The following METTL6 variants were observed in gnomAD, a reference collection of about 807,000 sequenced individuals.
METTL6 encodes the protein methyltransferase 6, tRNA N3-cytidine, also known as tRNA N(3)-cytidine methyltransferase METTL6.
A neutral mutation model predicts 26.4 loss-of-function variants in METTL6; 22 were observed. The observed-to-expected ratio is 0.83, with a 90% CI of 0.59 to 1.19. The LOEUF is 1.19. Among genes scored for constraint, METTL6 ranks in the 50% most tolerant of loss-of-function variants. The pLI, the probability that METTL6 is intolerant of heterozygous loss-of-function variation, is 0.00. For synonymous variants in METTL6, 109 were observed against 116.2 expected (o/e 0.94, Z 0.40); for missense variants, 304 against 324.8 (o/e 0.94, Z 0.49).
Position 15,427,413 on chromosome 3 carries a change from C to A in METTL6, c.-136G>T. The A allele has an allele frequency of 3.3e-6, 1 of 301,672 alleles. No individual in the cohort carries two copies. Among genetic ancestry groups the A allele is most frequent in the South Asian group, 2.8e-5 (1 of 35,836 alleles). 18.7% of individuals were successfully genotyped at this position (301,672 alleles called of 1,614,324 possible). A position where few individuals can be genotyped will look rare whatever the true frequency, so the allele number is the denominator to read the frequency against. On this transcript the variant is annotated 5_prime_UTR_variant, in exon 1 of 6. Coordinates refer to ENST00000383790, the MANE Select transcript of METTL6 (RefSeq NM_152396.4). ...CCAGGCGCACTCACCCCACAGCCAG[C>A]CCCACTGGGCCTCGGAGGCAGAATA...
intron 6 of METTL6, among the ~76,000 whole-genome samples, chr3:15,394,057 G>A (rs1173067510): frequency 6.6e-6 from 1 of 152,190 alleles, no homozygotes; most frequent in Admixed American, 6.5e-5. Context: ...GATTGGAATA[G>A]TTTCAGAAGG....
chr3:15,406,256 C>G (rs1699780811), downstream of METTL6, among the ~76,000 whole-genome samples: 1 of 151,908 alleles, frequency 6.6e-6, no homozygotes. Context: ...TGCTACTAAA[C>G]CAACCATGGT....
chr3:15,385,542 G>A (rs979961668), intron 6 of METTL6, among the ~76,000 whole-genome samples: 1 of 152,146 alleles, frequency 6.6e-6, no homozygotes, highest in South Asian at 2.1e-4. Flanking sequence ...AGGTTGCAGT[G>A]AGCCAAGATT....
In METTL6 at chr3:15,425,009, C is replaced by T. The variant is rs770155424; in HGVS notation, c.306G>A (p.Pro102=). ...NCLFPLLEED[P]NIFAYACDFS... ...AATCACAGGCATAGGCAAAGATATT[C>T]GGATCTTCTTCTAAAAGTGGGAATA... The change falls in exon 3 of 6, where the codon CCG becomes CCA. Residue 102 remains proline, a synonymous_variant. Transcript: ENST00000383790. 17 of 1,614,106 alleles carry T rather than the reference C, an allele frequency of 1.1e-5. No individual in the cohort carries two copies. The highest frequency in any genetic ancestry group is 1.6e-4 in the Middle Eastern group (1 of 6,062).
intron 3 of METTL6, among the ~76,000 whole-genome samples, chr3:15,422,646 T>C (rs980567357): frequency 3.3e-5 from 5 of 151,864 alleles, no homozygotes; most frequent in Non-Finnish European, 7.4e-5. Context: ...AATAATAAGA[T>C]TAACTTAAAA....
In METTL6 at chr3:15,411,387, C is replaced by T. The variant is rs758310239; in HGVS notation, c.724G>A (p.Glu242Lys). 28 of 1,614,068 alleles carry T rather than the reference C, an allele frequency of 1.7e-5. No individual in the cohort carries two copies. The highest frequency in any genetic ancestry group is 8.3e-5 in the Admixed American group (5 of 60,000). The change falls in exon 6 of 6, where the codon GAG becomes AAG. Residue 242 changes from glutamate (E) to lysine (K), a missense_variant. Transcript: ENST00000383790. ...TTCACCGTCTCTCGAAACACATACT[C>T]GTTTACCACTTCTTCATAACCTGTG... is the stretch of plus-strand genomic sequence containing the variant. ...MDTGYEEVVN[E>K]YVFRETVNKK...
chr3:15,397,434 C>G (rs13068150), intron 6 of METTL6, among the ~76,000 whole-genome samples: 57,358 of 151,926 alleles, frequency 0.38, 11,095 homozygotes, highest in East Asian at 0.49. Flanking sequence ...TGTGCTTCCC[C>G]GGGGAGGCGA....
At chr3:15,426,265 A>C in intron 2 of METTL6, 22 bp downstream of exon 2, 2 of 1,605,438 alleles carry the variant, frequency 1.2e-6, no homozygotes, top group South Asian at 2.2e-5. Context: ...AACAGCTCAG[A>C]TAAGGCGTAA....
chr3:15,425,940 T>C (rs1297264732), intron 2 of METTL6, among the ~76,000 whole-genome samples: 1 of 152,214 alleles, frequency 6.6e-6, no homozygotes, highest in African/African-American at 2.4e-5. Context: ...AGCACACCTC[T>C]TCACATTTTT....
chr3:15,395,989 C>T lies in METTL6; in HGVS notation c.*12-11802G>A, dbSNP rs1221312020. 3.9e-5 allele frequency among the ~76,000 whole-genome samples: 6 copies of T among 152,078 alleles called. No individual in the cohort carries two copies. In the East Asian group the frequency reaches 5.8e-4, roughly 15 times the overall value. On this transcript the variant is annotated intron_variant, in intron 6 of 6. Transcript: ENST00000443029. The stretch of plus-strand genomic sequence containing the variant: ...TTATGTGTCTTGGAGTTGCTCTTCT[C>T]GAGGAGTATCTTTGTGGTGTTCTCT...
In METTL6 at chr3:15,426,604, G is replaced by A. The variant is rs1336302598; in HGVS notation, c.-93C>T. The A allele has an allele frequency of 3.2e-6, 4 of 1,237,138 alleles. No homozygotes were observed. Among genetic ancestry groups the A allele is most frequent in the Non-Finnish European group, 4.6e-6 (4 of 874,404 alleles). 76.6% of individuals were successfully genotyped at this position (1,237,138 alleles called of 1,614,324 possible). On this transcript the variant is annotated 5_prime_UTR_variant, in exon 2 of 6. Transcript: ENST00000383790. ...CTAATGGATCAGATACATTTCCTGA[G>A]GTGAGTTTCACGCCTCAAACAGCAC... is the stretch of plus-strand genomic sequence containing the variant.
downstream of METTL6, among the ~76,000 whole-genome samples, chr3:15,406,589 TATATATATATA>T (rs1699793780): frequency 3.3e-4 from 1 of 3,028 alleles, no homozygotes; most frequent in Non-Finnish European, 9.5e-4. Context: ...CAAACAGTTA[TATATATATATA>T]TATATATATA....
At chr3:15,413,258 C>T (rs1172592144) in intron 5 of METTL6, among the ~76,000 whole-genome samples, 1 of 151,452 alleles carries the variant, frequency 6.6e-6, no homozygotes, top group Non-Finnish European at 1.5e-5. Flanking sequence ...TGCCTCTTTA[C>T]AGCAAATTTG....
chr3:15,387,573 C>T (rs989088417), intron 6 of METTL6, among the ~76,000 whole-genome samples: 3 of 152,180 alleles, frequency 2.0e-5, no homozygotes, highest in Admixed American at 2.0e-4. Flanking sequence ...GAAAAATCAA[C>T]TCACAAAATG....
chr3:15,413,108 G>C (rs1380922319), intron 5 of METTL6, among the ~76,000 whole-genome samples: 1 of 152,070 alleles, frequency 6.6e-6, no homozygotes, highest in Non-Finnish European at 1.5e-5. Context: ...AGTTGGGTGT[G>C]GTGGCACACA....
chr3:15,414,934 ATAAG>A (rs747688067), intron 4 of METTL6: 72 of 1,151,240 alleles, frequency 6.3e-5, no homozygotes, highest in South Asian at 2.8e-4. Context: ...AAATAAATAA[ATAAG>A]TGTTAGAGAC....
chr3:15,423,348 GCAC>G (rs1454700023), intron 3 of METTL6, among the ~76,000 whole-genome samples: 1 of 152,172 alleles, frequency 6.6e-6, no homozygotes, highest in Admixed American at 6.5e-5. Flanking sequence ...AGCTGAGATT[GCAC>G]CACTGCACTC....
chr3:15,384,452 G>C (rs528464898), intron 6 of METTL6: 6 of 168,450 alleles, frequency 3.6e-5, no homozygotes, highest in African/African-American at 1.4e-4. Context: ...AATATTAATG[G>C]ACAAGAAGTT....
intron 6 of METTL6, among the ~76,000 whole-genome samples, chr3:15,400,663 A>G (rs1699615213): frequency 6.6e-6 from 1 of 152,190 alleles, no homozygotes; most frequent in Admixed American, 6.6e-5. Context: ...TAACGATGCT[A>G]GACTACCTTT....
Sources: gnomAD v4.1 joint callset for allele counts (sites outside exome capture counted in the v4.1 genomes callset) on GRCh38, gnomAD v4.1.1 for gene constraint, MANE v1.5 for transcripts, NCBI Gene and HGNC (gene_info 2026-07-23, HGNC 2026-07-21) for gene names.